Variants in ATF3 observed in about 807,000 individuals in gnomAD.
The protein encoded by ATF3 is activating transcription factor 3, also known as cyclic AMP-dependent transcription factor ATF-3.
A neutral mutation model predicts 18.4 loss-of-function variants in ATF3; 10 were observed. The observed-to-expected ratio is 0.54, with a 90% CI of 0.34 to 0.92. The LOEUF (loss-of-function observed/expected upper bound fraction) is 0.92. Ranked by LOEUF, ATF3 falls within the 40% of genes least tolerant of loss-of-function variation. ATF3 has a pLI of 0.02. For missense variants in ATF3, 183 were observed against 222.3 expected (o/e 0.82, Z 1.12); for synonymous variants, 78 against 87.9 (o/e 0.89, Z 0.63).
At chr1:212,596,093 T>C (rs1183164176) in intron 1 of ATF3, among the ~76,000 whole-genome samples, 1 of 152,204 alleles carries the variant, frequency 6.6e-6, no homozygotes, top group African/African-American at 2.4e-5. Flanking sequence ...AAATATTCCT[T>C]CGATGAATTA....
rs57512671 is a variant in ATF3 at position 212,576,721 on chromosome 1, C to CT, written c.-5+11262dup. On this transcript the variant is annotated intron_variant, in intron 1 of 3. Transcript: ENST00000366981. Reference sequence around the variant, plus strand: ...AAAAAATATTCTTTTCTTTTCTTTTCTTTTTTTTTTTTTTTTTTTTTTTTG... The same window carrying CT: ...AAAAAATATTCTTTTCTTTTCTTTTCTTTTTTTTTTTTTTTTTTTTTTTTTG... Among the ~76,000 whole-genome samples the CT allele has an allele frequency of 3.4e-3, 196 of 57,310 alleles. 10 individuals are homozygous for CT. Among genetic ancestry groups the CT allele is most frequent in the East Asian group, 6.8e-3 (12 of 1,760 alleles). The allele number at this position is 57,310 out of a possible 152,430, so 37.6% of individuals were successfully genotyped here. A position where few individuals can be genotyped will look rare whatever the true frequency, so the allele number is the denominator to read the frequency against.
At chr1:212,590,080 C>T (rs567959982) in intron 1 of ATF3, among the ~76,000 whole-genome samples, 16 of 152,030 alleles carry the variant, frequency 1.1e-4, no homozygotes, top group Non-Finnish European at 2.4e-4. Flanking sequence ...TTAAATGTTG[C>T]CCTTTGCCAT....
intron 1 of ATF3, among the ~76,000 whole-genome samples, chr1:212,588,411 G>T (rs1196066557): frequency 6.6e-6 from 1 of 150,774 alleles, no homozygotes; most frequent in Non-Finnish European, 1.5e-5. Context: ...TCACCCTAGG[G>T]TGTCACCACC....
At chr1:212,574,106 CATT>C (rs1280999896) in intron 1 of ATF3, among the ~76,000 whole-genome samples, 13 of 151,672 alleles carry the variant, frequency 8.6e-5, no homozygotes, top group East Asian at 1.9e-4. Flanking sequence ...ATTTTGTTGT[CATT>C]GTTGTTTTTA....
intron 1 of ATF3, among the ~76,000 whole-genome samples, chr1:212,592,445 C>T (rs924238834): frequency 7.2e-6 from 1 of 139,100 alleles, no homozygotes; most frequent in Non-Finnish European, 1.6e-5. Context: ...TGTCATTTTA[C>T]AGTTAGACAG....
chr1:212,582,553 G>A (rs1453970513), intron 1 of ATF3, among the ~76,000 whole-genome samples: 2 of 152,208 alleles, frequency 1.3e-5, no homozygotes, highest in African/African-American at 2.4e-5. Flanking sequence ...CTTTTGCCAT[G>A]TCGCAAGAAA....
At chr1:212,616,804 G>C (rs558443417) in intron 2 of ATF3, among the ~76,000 whole-genome samples, 21 of 152,156 alleles carry the variant, frequency 1.4e-4, no homozygotes, top group Non-Finnish European at 2.8e-4. Context: ...TGATAGATTG[G>C]ATGTGGGGTG....
At chr1:212,577,983 A>AT (rs1175386461) in intron 1 of ATF3, among the ~76,000 whole-genome samples, 1 of 152,036 alleles carries the variant, frequency 6.6e-6, no homozygotes, top group Non-Finnish European at 1.5e-5. Context: ...TCTATTTTTA[A>AT]TTTTTTGAGG....
chr1:212,574,739 T>C (rs1664543146), intron 1 of ATF3, among the ~76,000 whole-genome samples: 1 of 152,138 alleles, frequency 6.6e-6, no homozygotes, highest in African/African-American at 2.4e-5. Context: ...GATAACCAGT[T>C]GTCCCAGTCT....
chr1:212,596,722 C>T (rs1041740999), intron 1 of ATF3, among the ~76,000 whole-genome samples: 2 of 152,254 alleles, frequency 1.3e-5, no homozygotes, highest in Admixed American at 6.5e-5. Flanking sequence ...AAGAAGGTGG[C>T]TTCCCTCTGG....
intron 1 of ATF3, among the ~76,000 whole-genome samples, chr1:212,586,038 C>T (rs1343100445): frequency 6.6e-6 from 1 of 152,206 alleles, no homozygotes; most frequent in Non-Finnish European, 1.5e-5. Context: ...TCCAGCCCCT[C>T]TCAACCCTCT....
chr1:212,597,152 C>A (rs1654304927), intron 1 of ATF3, among the ~76,000 whole-genome samples: 3 of 152,284 alleles, frequency 2.0e-5, no homozygotes, highest in South Asian at 2.1e-4. Flanking sequence ...CAGACAGAGA[C>A]AATATGGGGC....
upstream of ATF3, among the ~76,000 whole-genome samples, chr1:212,607,161 G>T (rs116153743): frequency 1.2e-3 from 189 of 152,324 alleles, 2 homozygotes; most frequent in African/African-American, 4.2e-3. Flanking sequence ...GTCGGGCTTG[G>T]CGGCGAGGAA....
chr1:212,605,666 T>G (rs1187517377), upstream of ATF3, among the ~76,000 whole-genome samples: 1 of 152,276 alleles, frequency 6.6e-6, no homozygotes, highest in Non-Finnish European at 1.5e-5. Context: ...CTGCAATGTT[T>G]TTCTGTTTAG....
chr1:212,601,121 C>G (rs1220131227), intron 1 of ATF3, among the ~76,000 whole-genome samples: 1 of 152,144 alleles, frequency 6.6e-6, no homozygotes, highest in Non-Finnish European at 1.5e-5. Flanking sequence ...CTCAGCCACT[C>G]TAGTTTCAAG....
At chr1:212,579,995 A>G (rs1435496609) in intron 1 of ATF3, among the ~76,000 whole-genome samples, 1 of 151,718 alleles carries the variant, frequency 6.6e-6, no homozygotes, top group Admixed American at 6.6e-5. Context: ...AAAAAAAAAA[A>G]ACTTAGCTGG....
chr1:212,611,337 CAG>C (rs1256357153), intron 1 of ATF3, among the ~76,000 whole-genome samples: 1 of 152,190 alleles, frequency 6.6e-6, no homozygotes, highest in Non-Finnish European at 1.5e-5. Context: ...TTGATAACAA[CAG>C]AATGAGTTTT....
upstream of ATF3, among the ~76,000 whole-genome samples, chr1:212,605,150 G>A (rs1323740257): frequency 1.3e-5 from 2 of 152,162 alleles, no homozygotes; most frequent in African/African-American, 4.8e-5. Flanking sequence ...TCAGAGAAAT[G>A]TCACAACAAT....
intron 1 of ATF3, among the ~76,000 whole-genome samples, chr1:212,570,095 T>A (rs191720585): frequency 3.5e-4 from 53 of 151,954 alleles, no homozygotes; most frequent in African/African-American, 1.2e-3. Flanking sequence ...TTAAAATGTT[T>A]TATAATATGT....
Sources: gnomAD v4.1 joint callset for allele counts (sites outside exome capture counted in the v4.1 genomes callset) on GRCh38, gnomAD v4.1.1 for gene constraint, MANE v1.5 for transcripts, NCBI Gene and HGNC (gene_info 2026-07-23, HGNC 2026-07-21) for gene names.